Variants in NXPE2 observed in about 807,000 individuals in gnomAD.
NXPE2 encodes neurexophilin and PC-esterase domain family member 2.
NXPE2 carries 34 observed loss-of-function variants against 34.4 expected under a neutral mutation model. The ratio of observed to expected loss-of-function variants is 0.99; its 90% CI spans 0.75 to 1.31. NXPE2 has a LOEUF of 1.31. Ranked by LOEUF, NXPE2 falls within the 40% of genes most tolerant of loss-of-function variation. NXPE2 has a pLI of 0.00. For synonymous variants in NXPE2, 235 were observed against 231.3 expected (o/e 1.02, Z -0.15); for missense variants, 649 against 672.5 (o/e 0.97, Z 0.39).
the NXPE2 span, among the ~76,000 whole-genome samples, chr11:114,782,764 A>G: frequency 6.6e-6 from 1 of 152,190 alleles, no homozygotes; most frequent in Non-Finnish European, 1.5e-5. Context: ...TCTTGAATCC[A>G]ACACCTGATT....
chr11:114,732,076 C>T, the NXPE2 span, among the ~76,000 whole-genome samples: 1 of 152,250 alleles, frequency 6.6e-6, no homozygotes, highest in African/African-American at 2.4e-5. Context: ...TTTAATTTTT[C>T]ATAACTCATT....
the NXPE2 span, among the ~76,000 whole-genome samples, chr11:114,465,866 G>A: frequency 0.016 from 2,399 of 152,098 alleles, 67 homozygotes; most frequent in African/African-American, 0.055. Flanking sequence ...ACGGCATGGC[G>A]CATAGAACAT....
the NXPE2 span, among the ~76,000 whole-genome samples, chr11:114,497,666 TG>T: frequency 6.6e-6 from 1 of 152,206 alleles, no homozygotes. Context: ...AGAACACTCT[TG>T]TACAACAACA....
At chr11:114,756,780 G>C in the NXPE2 span, among the ~76,000 whole-genome samples, 1 of 152,052 alleles carries the variant, frequency 6.6e-6, no homozygotes, top group Non-Finnish European at 1.5e-5. Context: ...TGAAGGGTTA[G>C]GTGCAGAGGA....
At chr11:114,630,761 C>T in the NXPE2 span, among the ~76,000 whole-genome samples, 12 of 151,776 alleles carry the variant, frequency 7.9e-5, no homozygotes, top group Admixed American at 2.6e-4. Flanking sequence ...AGAAAATCTT[C>T]GCAACCTACT....
the NXPE2 span, among the ~76,000 whole-genome samples, chr11:114,537,966 G>T: frequency 1.3e-5 from 2 of 152,198 alleles, no homozygotes; most frequent in East Asian, 3.9e-4. Flanking sequence ...AGCCCACATT[G>T]CCAAGTCAAT....
chr11:114,472,707 A>T, the NXPE2 span, among the ~76,000 whole-genome samples: 989 of 152,258 alleles, frequency 6.5e-3, 6 homozygotes, highest in Non-Finnish European at 0.011. Flanking sequence ...TGGAAGGAAG[A>T]ACTAGCTCTC....
the NXPE2 span, among the ~76,000 whole-genome samples, chr11:114,729,155 GA>G: frequency 6.6e-6 from 1 of 152,084 alleles, no homozygotes; most frequent in Non-Finnish European, 1.5e-5. Flanking sequence ...ACTTATAAGT[GA>G]GAACATGTGG....
At chr11:114,522,449 A>G in the NXPE2 span, 1 of 1,613,018 alleles carries the variant, frequency 6.2e-7, no homozygotes, top group Admixed American at 1.7e-5. Flanking sequence ...TTCTGCATCC[A>G]GAAGCAAATG....
the NXPE2 span, among the ~76,000 whole-genome samples, chr11:114,475,656 C>T: frequency 1.3e-5 from 2 of 152,134 alleles, no homozygotes; most frequent in Admixed American, 1.3e-4. Context: ...GGCTGCATAT[C>T]TAGAGTCTTT....
At chr11:114,778,410 A>G in the NXPE2 span, among the ~76,000 whole-genome samples, 1 of 152,188 alleles carries the variant, frequency 6.6e-6, no homozygotes, top group Non-Finnish European at 1.5e-5. Context: ...GAGGAATGGC[A>G]TGATGTTATG....
the NXPE2 span, among the ~76,000 whole-genome samples, chr11:114,571,823 A>G: frequency 6.6e-6 from 1 of 152,186 alleles, no homozygotes; most frequent in Non-Finnish European, 1.5e-5. Context: ...GAACAGGATC[A>G]CCACTGCAGG....
At chr11:114,491,930 A>G in the NXPE2 span, among the ~76,000 whole-genome samples, 4 of 152,210 alleles carry the variant, frequency 2.6e-5, no homozygotes, top group South Asian at 2.1e-4. Context: ...AACACCGCAT[A>G]TTCTCACTCA....
the NXPE2 span, among the ~76,000 whole-genome samples, chr11:114,490,146 C>T: frequency 1.3e-5 from 2 of 152,170 alleles, no homozygotes; most frequent in Non-Finnish European, 2.9e-5. Flanking sequence ...ATCCAACTTA[C>T]AAGGGACGTG....
chr11:114,763,295 T>G, the NXPE2 span, among the ~76,000 whole-genome samples: 1 of 152,234 alleles, frequency 6.6e-6, no homozygotes, highest in East Asian at 1.9e-4. Flanking sequence ...AAAATTAATT[T>G]TTTGTTCTTT....
chr11:114,735,896 C>G, the NXPE2 span, among the ~76,000 whole-genome samples: 1 of 152,144 alleles, frequency 6.6e-6, no homozygotes, highest in African/African-American at 2.4e-5. Flanking sequence ...AGGTTCTTTT[C>G]TATTTTCCCT....
the NXPE2 span, among the ~76,000 whole-genome samples, chr11:114,645,350 A>G: frequency 1.3e-5 from 2 of 152,054 alleles, no homozygotes; most frequent in African/African-American, 2.4e-5. Flanking sequence ...AAGATTCCCT[A>G]TACCACATCA....
At chr11:114,498,968 T>G in the NXPE2 span, among the ~76,000 whole-genome samples, 1 of 152,144 alleles carries the variant, frequency 6.6e-6, no homozygotes, top group African/African-American at 2.4e-5. Context: ...GTTAATTGTC[T>G]TTCCTTGAAG....
At chr11:114,594,823 C>T in the NXPE2 span, 1 of 921,786 alleles carries the variant, frequency 1.1e-6, no homozygotes, top group Admixed American at 2.4e-5. Flanking sequence ...AACAGAAAAG[C>T]AAACAAACAT....
Sources: allele counts gnomAD v4.1 joint callset (sites outside exome capture counted in the v4.1 genomes callset), GRCh38; gene constraint gnomAD v4.1.1; transcripts MANE v1.5; gene names NCBI Gene and HGNC (gene_info 2026-07-23, HGNC 2026-07-21).